Variants in LYZL2 observed in about 807,000 individuals in gnomAD.
The protein encoded by LYZL2 is lysozyme like 2, also known as lysozyme-like protein 2.
A neutral mutation model predicts 17.1 loss-of-function variants in LYZL2; 13 were observed. The ratio of observed to expected loss-of-function variants is 0.76; its 90% CI spans 0.49 to 1.21. The LOEUF (loss-of-function observed/expected upper bound fraction) is 1.21. LYZL2 is among the 50% of genes most tolerant of loss of function. The pLI, the probability that LYZL2 is intolerant of heterozygous loss-of-function variation, is 0.00. For synonymous variants in LYZL2, 63 were observed against 74.4 expected, an observed-to-expected ratio of 0.85 and a Z score of 0.79; for missense variants, 166 against 189.2, an observed-to-expected ratio of 0.88 and a Z score of 0.72.
downstream of LYZL2, among the ~76,000 whole-genome samples, chr10:30,611,563 G>GA (rs1313448081): frequency 3.6e-3 from 295 of 81,988 alleles, no homozygotes; most frequent in South Asian, 7.8e-3. Context: ...AGGAAGGAAG[G>GA]AAGGAAGGAA....
chr10:30,627,083 T>A (rs1257260961), intron 1 of LYZL2, 143 bp from the exon 2 acceptor site: 10 of 1,260,496 alleles, frequency 7.9e-6, no homozygotes, highest in Non-Finnish European at 1.1e-5. Context: ...CCGGCCACTC[T>A]ACGGTCCAGG....
chr10:30,627,242 T>C (rs185955392), intron 1 of LYZL2, among the ~76,000 whole-genome samples: 1 of 146,420 alleles, frequency 6.8e-6, no homozygotes, highest in African/African-American at 2.5e-5. Flanking sequence ...TTTTTAGGAT[T>C]TCTATTTTAA....
chr10:30,606,420 A>G, the LYZL2 span, among the ~76,000 whole-genome samples: 2 of 144,944 alleles, frequency 1.4e-5, no homozygotes, highest in Admixed American at 7.0e-5. Context: ...TGGTGCCATC[A>G]TAGCTCACTG....
rs549405916 is a variant in LYZL2 at position 30,628,389 on chromosome 10, A to G, written c.-26+1204T>C. On this transcript the variant is annotated intron_variant, in intron 1 of 4. Transcript: ENST00000647634. ...CTGGGGAGCAAGAGGGATGGAGGAC[A>G]AAGCCTCATGAAAGGAGGAAAGCAC... 2.2e-3 allele frequency among the ~76,000 whole-genome samples: 332 copies of G among 152,302 alleles called. 2 individuals are homozygous for G. In the East Asian group the frequency reaches 0.028, roughly 13 times the overall value.
At chr10:30,622,146 AAAAG>A (rs1398105109) in intron 3 of LYZL2, among the ~76,000 whole-genome samples, 1 of 152,254 alleles carries the variant, frequency 6.6e-6, no homozygotes, top group Non-Finnish European at 1.5e-5. Context: ...TGGAGGAAAT[AAAAG>A]AGAATACTAA....
chr10:30,627,926 G>A (rs1465528042), intron 1 of LYZL2, among the ~76,000 whole-genome samples: 3 of 152,200 alleles, frequency 2.0e-5, no homozygotes, highest in Non-Finnish European at 2.9e-5. Context: ...TTGGGAGGCC[G>A]AGACGGGCGG....
chr10:30,618,685 C>T (rs1216205846), intron 3 of LYZL2, among the ~76,000 whole-genome samples: 7 of 151,948 alleles, frequency 4.6e-5, no homozygotes, highest in Admixed American at 4.6e-4. Flanking sequence ...TCAAGATGGA[C>T]TAAAGACTTA....
chr10:30,625,922 CA>C (rs2132950293), intron 3 of LYZL2, among the ~76,000 whole-genome samples, 182 bp downstream of exon 3: 1 of 152,330 alleles, frequency 6.6e-6, no homozygotes, highest in East Asian at 1.9e-4. Flanking sequence ...CATCTTTGGA[CA>C]AGTCAGCCGC....
chr10:30,615,601 C>A (rs1014344952), intron 3 of LYZL2, among the ~76,000 whole-genome samples: 2 of 152,110 alleles, frequency 1.3e-5, no homozygotes, highest in African/African-American at 4.8e-5. Flanking sequence ...TAATGTTAAA[C>A]TCAATTGTAG....
At chr10:30,606,976 C>T (rs76825267), downstream of LYZL2, among the ~76,000 whole-genome samples, 7,823 of 149,584 alleles carry the variant, frequency 0.052, 256 homozygotes, top group East Asian at 0.16. Context: ...TGCAGTGGTG[C>T]GATCTTGGCT....
At chr10:30,608,031 C>T (rs1838395145), downstream of LYZL2, among the ~76,000 whole-genome samples, 2 of 152,288 alleles carry the variant, frequency 1.3e-5, no homozygotes, top group South Asian at 2.1e-4. Flanking sequence ...CAGCCTCAGC[C>T]TCCCAAGCTG....
rs1320096981 is a variant in LYZL2 at position 30,612,001 on chromosome 10, TCA to T, written c.399_400del (p.Cys133Ter). 3.1e-6 allele frequency: 5 copies of T among 1,614,158 alleles called. No homozygotes were observed. The highest frequency in any genetic ancestry group is 4.2e-6 in the Non-Finnish European group (5 of 1,180,014). On this transcript the variant is annotated stop_gained and frameshift_variant, in exon 5 of 5. Transcript: ENST00000647634. LOFTEE classifies it high-confidence loss of function. ...TTTCCAGTCGGACAGGTCTCTCCCCTCACAGTGTTTCTTCCAGCCTTGCCTGA... is the reference window on the plus strand; with the variant it reads ...TTTCCAGTCGGACAGGTCTCTCCCCTCAGTGTTTCTTCCAGCCTTGCCTGA...
At chr10:30,619,093 C>G (rs1838579556) in intron 3 of LYZL2, among the ~76,000 whole-genome samples, 3 of 152,298 alleles carry the variant, frequency 2.0e-5, no homozygotes, top group African/African-American at 7.2e-5. Context: ...TCATCACTGG[C>G]CATCAGAGAA....
At chr10:30,623,741 C>G (rs1246319642) in intron 3 of LYZL2, among the ~76,000 whole-genome samples, 1 of 152,122 alleles carries the variant, frequency 6.6e-6, no homozygotes, top group Non-Finnish European at 1.5e-5. Flanking sequence ...TGGTGAGTTG[C>G]ATAATTATTC....
downstream of LYZL2, among the ~76,000 whole-genome samples, chr10:30,611,613 A>AAGAAAGAAAGAAAG (rs1205062475): frequency 7.2e-6 from 1 of 139,438 alleles, no homozygotes; most frequent in African/African-American, 2.7e-5. Context: ...GAAAGAAAGA[A>AAGAAAGAAAGAAAG]AGAGAAAGAA....
At chr10:30,627,028 A>G in intron 1 of LYZL2, 88 bp from the exon 2 acceptor site, 2 of 1,546,878 alleles carry the variant, frequency 1.3e-6, no homozygotes, top group Non-Finnish European at 1.7e-6. Flanking sequence ...CCCTGCCTAG[A>G]TGCTGCCTGT....
chr10:30,606,816 G>T (rs1838381986), downstream of LYZL2, among the ~76,000 whole-genome samples: 1 of 151,908 alleles, frequency 6.6e-6, no homozygotes, highest in African/African-American at 2.4e-5. Flanking sequence ...CATGTTTTGG[G>T]TTTTTCAGTA....
chr10:30,629,147 C>A (rs1243850989), intron 1 of LYZL2, among the ~76,000 whole-genome samples: 75 of 152,166 alleles, frequency 4.9e-4, no homozygotes, highest in Non-Finnish European at 8.8e-5. Flanking sequence ...AATCTCAGCA[C>A]TTTGTGAGGG....
At chr10:30,606,325 A>G in the LYZL2 span, among the ~76,000 whole-genome samples, 4 of 151,840 alleles carry the variant, frequency 2.6e-5, no homozygotes, top group Non-Finnish European at 4.4e-5. Flanking sequence ...TAGAGAAGGA[A>G]AAATACCGAA....
Sources: allele counts gnomAD v4.1 joint callset (sites outside exome capture counted in the v4.1 genomes callset), GRCh38; gene constraint gnomAD v4.1.1; transcripts MANE v1.5; gene names NCBI Gene and HGNC (gene_info 2026-07-23, HGNC 2026-07-21).